Variants in DCUN1D2 observed in about 807,000 individuals in gnomAD.
DCUN1D2 encodes the protein defective in cullin neddylation 1 domain containing 2, also known as DCN1-like protein 2.
A neutral mutation model predicts 30.9 loss-of-function variants in DCUN1D2; 29 were observed. The observed-to-expected ratio is 0.94, with a 90% CI of 0.70 to 1.28. The LOEUF is 1.28. Among genes scored for constraint, DCUN1D2 ranks in the 50% most tolerant of loss-of-function variants. The pLI is 0.00. For missense variants in DCUN1D2, 325 were observed against 316.9 expected, an observed-to-expected ratio of 1.03 and a Z score of -0.19; for synonymous variants, 121 against 115.3, an observed-to-expected ratio of 1.05 and a Z score of -0.32.
Position 113,456,887 on chromosome 13 carries a change from G to GTATT in DCUN1D2, c.*1138_*1141dup, listed in dbSNP as rs10633765. 34,342 of 152,050 alleles carry GTATT rather than the reference G, an allele frequency of 0.23. 4,582 individuals are homozygous for GTATT. The highest frequency in any genetic ancestry group is 0.37 in the African/African-American group (15,238 of 41,322). The allele number at this position is 152,050 out of a possible 1,614,324, so 9.4% of individuals were successfully genotyped here. The stretch of plus-strand genomic sequence containing the variant: ...ATTCGGTTTTATTGTATGTATGTAT[G>GTATT]TATTTATTTTGAGACAGAATCTCAC... On this transcript the variant is annotated 3_prime_UTR_variant, in exon 7 of 7. Transcript: ENST00000478244.
rs2044355876 is a variant in DCUN1D2, at chr13:113,463,733, C to A, written c.521-2597G>T. Among the ~76,000 whole-genome samples the A allele has an allele frequency of 1.3e-5, 2 of 152,108 alleles. 1 individual carries two copies. The highest frequency in any genetic ancestry group is 4.1e-4 in the South Asian group (2 of 4,824). ...TACAATCTTCACACACACAGATACA[C>A]ATAGACACACACAGATACCCACAAA... On this transcript the variant is annotated intron_variant, in intron 4 of 6. Coordinates refer to ENST00000478244, the MANE Select transcript of DCUN1D2 (RefSeq NM_001014283.2).
intron 4 of DCUN1D2, among the ~76,000 whole-genome samples, chr13:113,469,443 C>T (rs1566497060): frequency 6.6e-6 from 1 of 151,464 alleles, no homozygotes; most frequent in African/African-American, 2.4e-5. Context: ...ACTTTGGGAG[C>T]CTGAAGTGAG....
chr13:113,470,940 C>A (rs533270451), intron 4 of DCUN1D2, among the ~76,000 whole-genome samples: 8 of 150,838 alleles, frequency 5.3e-5, no homozygotes, highest in African/African-American at 2.0e-4. Context: ...CCACAGAAGA[C>A]ACAACTCCAC....
rs779055581 is a variant in DCUN1D2 at position 113,458,050 on chromosome 13, A to G, written c.759T>C (p.Gly253=). ...FVEYARPVVT[G]GKRSLF ...CTGCCTAGAAAAGGCTGCGTTTTCC[A>G]CCTGTGACTACTGGCCGTGCATATT... The change falls in exon 7 of 7, where the codon GGT becomes GGC. Residue 253 remains glycine (G), a synonymous_variant. Transcript: ENST00000478244. 4 of 1,614,120 alleles carry G rather than the reference A, an allele frequency of 2.5e-6. No individual in the cohort carries two copies. The South Asian group carries it at 4.4e-5, about 18-fold the overall frequency.
In DCUN1D2 at chr13:113,485,569, G is replaced by A. The variant is rs539228351; in HGVS notation, c.4-1513C>T. Among the ~76,000 whole-genome samples, 7 of 152,078 alleles carry A rather than the reference G, an allele frequency of 4.6e-5. No homozygotes were observed. The East Asian group carries it at 7.7e-4, about 17-fold the overall frequency. ...TAAAACCTGAGGAAACGTCTTCTGC[G>A]GCTCCTCACAAAGTTCAATGTCCCC... On this transcript the variant is annotated intron_variant, in intron 1 of 6. Transcript: ENST00000478244.
At position 113,483,942 on chromosome 13, in the gene DCUN1D2, C is replaced by T. The variant is rs2139741591; in HGVS notation, c.118G>A (p.Ala40Thr). The change falls in exon 2 of 7, where the codon GCC becomes ACC. Residue 40 changes from alanine (A) to threonine (T), a missense_variant. Physicochemically the swap from Ala to Thr is moderately conservative, Grantham distance 58 (BLOSUM62 0). Coordinates refer to ENST00000478244, the MANE Select transcript of DCUN1D2 (RefSeq NM_001014283.2). The part of the protein sequence containing the change: ...LTQNEWRLDE[A>T]TDSFFQNPDS... Reference sequence around the variant, plus strand: ...GGGTTTTGGAAGAAGCTGTCCGTGGCCTCGTCTAGTCTCCACTCATTCTGC... The same window carrying T: ...GGGTTTTGGAAGAAGCTGTCCGTGGTCTCGTCTAGTCTCCACTCATTCTGC... 1.2e-6 allele frequency: 2 copies of T among 1,614,170 alleles called. No individual in the cohort carries two copies. Among genetic ancestry groups the T allele is most frequent in the Admixed American group, 1.7e-5 (1 of 60,034 alleles).
At chr13:113,485,714 C>T (rs1193380729) in intron 1 of DCUN1D2, among the ~76,000 whole-genome samples, 5 of 151,710 alleles carry the variant, frequency 3.3e-5, no homozygotes, top group Admixed American at 6.6e-5. Context: ...TACCAGAGGA[C>T]GATTCTGCAG....
At chr13:113,483,031 T>C (rs1199189222) in intron 2 of DCUN1D2, among the ~76,000 whole-genome samples, 1 of 152,200 alleles carries the variant, frequency 6.6e-6, no homozygotes, top group African/African-American at 2.4e-5. Flanking sequence ...AACACTTGTT[T>C]AAATGAGAGT....
chr13:113,460,946 G>C, intron 5 of DCUN1D2, 108 bp downstream of exon 5: 1 of 662,856 alleles, frequency 1.5e-6, no homozygotes, highest in Non-Finnish European at 2.6e-6. Context: ...ATGTTCATCT[G>C]CTGAAAACCT....
rs566273119 is a variant in DCUN1D2, at chr13:113,461,764, G to A, written c.521-628C>T. ...CTCTTTTCCCACACGGGAAGGTGGT[G>A]ATTATTTCACGACTTCTATATAAAT... On this transcript the variant is annotated intron_variant, in intron 4 of 6. Coordinates refer to ENST00000478244, the MANE Select transcript of DCUN1D2 (RefSeq NM_001014283.2). Among the ~76,000 whole-genome samples, 5 of 152,318 alleles carry A rather than the reference G, an allele frequency of 3.3e-5. No individual in the cohort carries two copies. In the South Asian group the frequency reaches 1.0e-3, roughly 32 times the overall value.
At chr13:113,486,657 C>T (rs2044809127) in intron 1 of DCUN1D2, among the ~76,000 whole-genome samples, 1 of 152,182 alleles carries the variant, frequency 6.6e-6, no homozygotes, top group African/African-American at 2.4e-5. Context: ...TCTGAGGAGT[C>T]ACAGGTCCGC....
chr13:113,474,168 T>A lies in DCUN1D2; in HGVS notation c.476A>T (p.Gln159Leu). 1 of 1,614,184 alleles carries A rather than the reference T, an allele frequency of 6.2e-7. No homozygotes were observed. The highest frequency in any genetic ancestry group is 1.1e-5 in the South Asian group (1 of 91,086). ...KDTAKFKDFYQFTFTFAKNPG... is the reference protein window; with the variant it reads ...KDTAKFKDFYLFTFTFAKNPG... ...GTTCTTAGCGAAGGTGAAGGTAAAC[T>A]GATAAAAATCTTTAAACTTGGCTGT... The change falls in exon 4 of 7, where the codon CAG (glutamine) becomes CTG (leucine). Residue 159 changes from glutamine (Q) to leucine (L), a missense_variant. Coordinates refer to ENST00000478244, the MANE Select transcript of DCUN1D2 (RefSeq NM_001014283.2).
Position 113,456,218 on chromosome 13 carries a change from G to A in DCUN1D2, c.*1811C>T, listed in dbSNP as rs986717945. The stretch of plus-strand genomic sequence containing the variant: ...CATTAGAGTTCTGGAAGCAGAGCCT[G>A]GGGAAGGTCTGTCACTTGCCCATCA... On this transcript the variant is annotated 3_prime_UTR_variant, in exon 7 of 7. Transcript: ENST00000478244. 2.3e-5 allele frequency: 9 copies of A among 398,694 alleles called. No individual in the cohort carries two copies. The highest frequency in any genetic ancestry group is 8.2e-5 in the African/African-American group (4 of 48,754). 24.7% of individuals were successfully genotyped at this position (398,694 alleles called of 1,614,324 possible).
chr13:113,485,722 C>T (rs1258277345), intron 1 of DCUN1D2, among the ~76,000 whole-genome samples: 1 of 151,950 alleles, frequency 6.6e-6, no homozygotes, highest in East Asian at 1.9e-4. Context: ...GACGATTCTG[C>T]AGAGGCATTA....
At chr13:113,463,223 A>C (rs2044346846) in intron 4 of DCUN1D2, 1 of 154,930 alleles carries the variant, frequency 6.5e-6, no homozygotes, top group Non-Finnish European at 1.4e-5. Flanking sequence ...AGAACCTCTA[A>C]AAAGTCCCAT....
At chr13:113,465,509 A>G (rs866458177) in intron 4 of DCUN1D2, among the ~76,000 whole-genome samples, 1 of 151,634 alleles carries the variant, frequency 6.6e-6, no homozygotes, top group African/African-American at 2.4e-5. Flanking sequence ...TAAAAAAAAA[A>G]AAACAAACAA....
intron 4 of DCUN1D2, among the ~76,000 whole-genome samples, chr13:113,466,477 T>C (rs554796340): frequency 6.6e-6 from 1 of 152,320 alleles, no homozygotes; most frequent in African/African-American, 2.4e-5. Context: ...CAGTGTAGAC[T>C]TTCCCCTTCT....
At chr13:113,489,633 C>T (rs572872036) in intron 1 of DCUN1D2, among the ~76,000 whole-genome samples, 1 of 152,272 alleles carries the variant, frequency 6.6e-6, no homozygotes, top group South Asian at 2.1e-4. Flanking sequence ...GTCCCTTCTC[C>T]GGTGGCTCTC....
chr13:113,461,232 T>A, intron 4 of DCUN1D2, 96 bp from the exon 5 acceptor site: 2 of 762,564 alleles, frequency 2.6e-6, no homozygotes, highest in African/African-American at 3.5e-5. Context: ...ATTTACTTAA[T>A]AAAATGTGGC....
Sources: allele counts gnomAD v4.1 joint callset (sites outside exome capture counted in the v4.1 genomes callset), GRCh38; gene constraint gnomAD v4.1.1; transcripts MANE v1.5; gene names NCBI Gene and HGNC (gene_info 2026-07-23, HGNC 2026-07-21).